The following JPH2 variants were observed in gnomAD, a reference collection of about 807,000 sequenced individuals.
JPH2 encodes junctophilin 2, also known as junctophilin-2.
JPH2 carries 38 observed loss-of-function variants against 55.9 expected under a neutral mutation model. That is an observed-to-expected ratio of 0.68 (90% CI 0.52 to 0.89). The LOEUF (loss-of-function observed/expected upper bound fraction) is 0.89, where lower values mean the gene tolerates loss of function less well. Among genes scored for constraint, JPH2 ranks in the 40% least tolerant of loss-of-function variants. The pLI is 0.00. For missense variants in JPH2, 964 were observed against 1,037.6 expected (o/e 0.93, Z 0.97); for synonymous variants, 480 against 472.4 (o/e 1.02, Z -0.21).
Position 44,110,528 on chromosome 20 carries a change from G to A in JPH2, c.*2990C>T, listed in dbSNP as rs2072134611. ...CAACCTCCGCCTCCAGGGTTCAAGT[G>A]CTTCTCCTGCCTCAGTCTCCCAACT... On this transcript the variant is annotated 3_prime_UTR_variant, in exon 6 of 6. Coordinates refer to ENST00000372980, the MANE Select transcript of JPH2 (RefSeq NM_020433.5). Among the ~76,000 whole-genome samples, 1 of 151,850 alleles carries A rather than the reference G, an allele frequency of 6.6e-6. No homozygotes were observed. Among genetic ancestry groups the A allele is most frequent in the Admixed American group, 6.6e-5 (1 of 15,262 alleles).
At chr20:44,177,527 C>A in intron 1 of JPH2, 1 of 1,078,708 alleles carries the variant, frequency 9.3e-7, no homozygotes, top group Non-Finnish European at 1.1e-6. Context: ...TGCTAAGGGT[C>A]TGCTGTGCTC....
At chr20:44,156,046 A>C (rs967869470) in intron 2 of JPH2, among the ~76,000 whole-genome samples, 4 of 152,022 alleles carry the variant, frequency 2.6e-5, no homozygotes, top group African/African-American at 7.2e-5. Flanking sequence ...AAAAAAAAAA[A>C]AAACTGTCAA....
chr20:44,184,625 G>T (rs1252739711), intron 1 of JPH2, among the ~76,000 whole-genome samples: 3 of 152,128 alleles, frequency 2.0e-5, no homozygotes, highest in African/African-American at 7.2e-5. Context: ...TAAGTGATAT[G>T]TCCATGTACA....
chr20:44,158,538 T>C, intron 2 of JPH2, among the ~76,000 whole-genome samples: 1 of 152,204 alleles, frequency 6.6e-6, no homozygotes, highest in South Asian at 2.1e-4. Context: ...AGTCCATATT[T>C]GTGAACCACT....
chr20:44,116,757 C>T (rs1312343946), intron 3 of JPH2, among the ~76,000 whole-genome samples: 3 of 152,216 alleles, frequency 2.0e-5, no homozygotes, highest in African/African-American at 7.2e-5. Flanking sequence ...TGGGCCTGAT[C>T]ATACCTATTT....
intron 2 of JPH2, among the ~76,000 whole-genome samples, chr20:44,132,355 G>C (rs910055): frequency 0.44 from 44,064 of 101,044 alleles, 7,795 homozygotes; most frequent in African/African-American, 0.53. Flanking sequence ...CAGACAGACA[G>C]ACACACACAC....
rs1206807650 is a variant in JPH2 at position 44,128,188 on chromosome 20, C to CA, written c.1170-9566dup. ...AAGAAGGTTTTGCCTAATCCAAGGTCAAAAAAATTTACTCATATTTTCATC... is the reference window on the plus strand; with the variant it reads ...AAGAAGGTTTTGCCTAATCCAAGGTCAAAAAAAATTTACTCATATTTTCATC... On this transcript the variant is annotated intron_variant, in intron 2 of 5. Coordinates refer to ENST00000372980, the MANE Select transcript of JPH2 (RefSeq NM_020433.5). Among the ~76,000 whole-genome samples, 4 of 152,058 alleles carry CA rather than the reference C, an allele frequency of 2.6e-5. No homozygotes were observed. In the East Asian group the frequency reaches 5.8e-4, roughly 22 times the overall value.
In JPH2 at chr20:44,109,893, T is replaced by A. The variant is rs2072129990; in HGVS notation, c.*3625A>T. On this transcript the variant is annotated 3_prime_UTR_variant, in exon 6 of 6. Coordinates refer to ENST00000372980, the MANE Select transcript of JPH2 (RefSeq NM_020433.5). The stretch of plus-strand genomic sequence containing the variant: ...TCCCACGGTTCCTAGGTCCCCTCCC[T>A]TTCACTGCCCTGGAAGAGTCCTGCA... Among the ~76,000 whole-genome samples the A allele has an allele frequency of 6.6e-6, 1 of 152,080 alleles. No individual in the cohort carries two copies. Among genetic ancestry groups the A allele is most frequent in the South Asian group, 2.1e-4 (1 of 4,824 alleles).
chr20:44,153,626 C>T (rs1335881962), intron 2 of JPH2, among the ~76,000 whole-genome samples: 1 of 152,230 alleles, frequency 6.6e-6, no homozygotes, highest in African/African-American at 2.4e-5. Flanking sequence ...CACCCTAGGA[C>T]AACTGAGAAC....
At chr20:44,117,523 G>T (rs938110299) in intron 3 of JPH2, among the ~76,000 whole-genome samples, 7 of 152,190 alleles carry the variant, frequency 4.6e-5, no homozygotes, top group African/African-American at 1.7e-4. Context: ...TGGTACAGCA[G>T]CTCTCAAAGT....
chr20:44,115,494 G>C (rs1168473645), intron 4 of JPH2, among the ~76,000 whole-genome samples, 171 bp downstream of exon 4: 1 of 152,178 alleles, frequency 6.6e-6, no homozygotes, highest in African/African-American at 2.4e-5. Flanking sequence ...TGTGGACCAA[G>C]CCAAGGCTAT....
At chr20:44,157,819 C>A (rs529098841) in intron 2 of JPH2, among the ~76,000 whole-genome samples, 1 of 151,204 alleles carries the variant, frequency 6.6e-6, no homozygotes, top group African/African-American at 2.5e-5. Context: ...TGTGCCCAGT[C>A]TCCTGCCAGG....
At chr20:44,143,232 G>C (rs1251252037) in intron 2 of JPH2, among the ~76,000 whole-genome samples, 1 of 152,164 alleles carries the variant, frequency 6.6e-6, no homozygotes, top group Non-Finnish European at 1.5e-5. Context: ...AACCAGACAG[G>C]AAGGGACTTG....
At chr20:44,179,108 C>A (rs1384515552) in intron 1 of JPH2, among the ~76,000 whole-genome samples, 1 of 152,134 alleles carries the variant, frequency 6.6e-6, no homozygotes, top group African/African-American at 2.4e-5. Context: ...CAGCATGTAA[C>A]AATAATAGTA....
intron 2 of JPH2, among the ~76,000 whole-genome samples, chr20:44,135,761 C>G (rs2072407765): frequency 6.6e-6 from 1 of 152,060 alleles, no homozygotes; most frequent in Non-Finnish European, 1.5e-5. Context: ...CTGGACGGAC[C>G]CTTAGAAATC....
chr20:44,172,947 T>C (rs565681513), intron 1 of JPH2, among the ~76,000 whole-genome samples: 135 of 152,238 alleles, frequency 8.9e-4, no homozygotes, highest in African/African-American at 2.8e-3. Context: ...ATAAAACTTA[T>C]GACAGTGAAA....
intron 2 of JPH2, among the ~76,000 whole-genome samples, chr20:44,153,931 G>A (rs1344115808): frequency 6.6e-6 from 1 of 152,142 alleles, no homozygotes; most frequent in Non-Finnish European, 1.5e-5. Flanking sequence ...TTGTCAGGGT[G>A]TTGGCATGAC....
intron 2 of JPH2, among the ~76,000 whole-genome samples, chr20:44,130,992 G>A (rs2072313984): frequency 6.6e-6 from 1 of 152,204 alleles, no homozygotes; most frequent in Non-Finnish European, 1.5e-5. Flanking sequence ...ACCTAGACAA[G>A]TCAATTAGTC....
intron 1 of JPH2, among the ~76,000 whole-genome samples, chr20:44,169,182 T>C (rs1287262493): frequency 6.6e-6 from 1 of 151,166 alleles, no homozygotes; most frequent in Non-Finnish European, 1.5e-5. Flanking sequence ...TATTTTTTTT[T>C]TTTTTTTTTT....
Sources: allele counts gnomAD v4.1 joint callset (sites outside exome capture counted in the v4.1 genomes callset), GRCh38; gene constraint gnomAD v4.1.1; transcripts MANE v1.5; gene names NCBI Gene and HGNC (gene_info 2026-07-23, HGNC 2026-07-21).